The following ZSWIM5 variants were observed in gnomAD, a reference collection of about 807,000 sequenced individuals.
ZSWIM5 encodes zinc finger SWIM-type containing 5, also known as zinc finger SWIM domain-containing protein 5.
In ZSWIM5, 55 loss-of-function variants were observed where a neutral mutation model predicts 119.6. The observed-to-expected ratio is 0.46, with a 90% confidence interval of 0.37 to 0.58. ZSWIM5 has a LOEUF of 0.58. ZSWIM5 is among the 20% of genes least tolerant of loss of function. ZSWIM5 has a pLI of 0.00. For missense variants in ZSWIM5, 1,193 were observed against 1,512.8 expected (o/e 0.79, Z 3.51); for synonymous variants, 537 against 606.9 (o/e 0.88, Z 1.69).
At chr1:45,162,039 T>A (rs1272043855) in intron 1 of ZSWIM5, among the ~76,000 whole-genome samples, 1 of 152,018 alleles carries the variant, frequency 6.6e-6, no homozygotes, top group African/African-American at 2.4e-5. Context: ...GTTCATTCTT[T>A]AATTTCACCA....
intron 1 of ZSWIM5, among the ~76,000 whole-genome samples, chr1:45,122,119 A>G (rs753598232): frequency 1.3e-5 from 2 of 152,210 alleles, no homozygotes; most frequent in Non-Finnish European, 2.9e-5. Flanking sequence ...TTTAAATAAT[A>G]TCAGTATATT....
intron 11 of ZSWIM5, among the ~76,000 whole-genome samples, chr1:45,030,098 C>A (rs1308630675): frequency 1.3e-5 from 2 of 152,104 alleles, no homozygotes; most frequent in South Asian, 2.1e-4. Context: ...GGGGGTGCCA[C>A]CTTGTCCCGC....
intron 10 of ZSWIM5, among the ~76,000 whole-genome samples, chr1:45,034,988 A>G (rs1007267944): frequency 1.3e-5 from 2 of 152,064 alleles, no homozygotes; most frequent in Non-Finnish European, 2.9e-5. Flanking sequence ...GGGTTTCACC[A>G]TGCTGCCCAG....
intron 2 of ZSWIM5, among the ~76,000 whole-genome samples, chr1:45,060,752 G>A (rs996058900): frequency 6.6e-6 from 1 of 152,158 alleles, no homozygotes; most frequent in African/African-American, 2.4e-5. Context: ...ATGGTTCATG[G>A]CAGCCTCGAC....
rs115894466 is a variant in ZSWIM5 at position 45,188,071 on chromosome 1, T to G, written c.595+17685A>C. ...CAAAATGTTATACATAGTTACTGCATGATCCAACAATTCTACTCTTAGATG... is the reference window on the plus strand; with the variant it reads ...CAAAATGTTATACATAGTTACTGCAGGATCCAACAATTCTACTCTTAGATG... On this transcript the variant is annotated intron_variant, in intron 1 of 13. Coordinates refer to ENST00000359600, the MANE Select transcript of ZSWIM5 (RefSeq NM_020883.2). 6.8e-3 allele frequency among the ~76,000 whole-genome samples: 1,033 copies of G among 152,342 alleles called. 8 individuals are homozygous for G. The highest frequency in any genetic ancestry group is 9.6e-3 in the Non-Finnish European group (656 of 68,018).
At chr1:45,103,825 C>G (rs1489851748) in intron 1 of ZSWIM5, among the ~76,000 whole-genome samples, 1 of 152,148 alleles carries the variant, frequency 6.6e-6, no homozygotes, top group Non-Finnish European at 1.5e-5. Flanking sequence ...CATTCAAAGC[C>G]TTTTGTTTTT....
intron 1 of ZSWIM5, among the ~76,000 whole-genome samples, chr1:45,149,335 G>C (rs564097177): frequency 6.6e-6 from 1 of 152,264 alleles, no homozygotes; most frequent in South Asian, 2.1e-4. Flanking sequence ...CCAATAGTAA[G>C]TACTAACTGA....
chr1:45,158,221 G>A (rs947297850), intron 1 of ZSWIM5, among the ~76,000 whole-genome samples: 2 of 152,104 alleles, frequency 1.3e-5, no homozygotes, highest in African/African-American at 4.8e-5. Context: ...CTGGAGTGCT[G>A]TGGCATGATC....
At chr1:45,086,089 G>A (rs1645328569) in intron 2 of ZSWIM5, among the ~76,000 whole-genome samples, 1 of 152,208 alleles carries the variant, frequency 6.6e-6, no homozygotes, top group South Asian at 2.1e-4. Context: ...GAGGCCTCAG[G>A]AACATTACAA....
At chr1:45,154,719 C>T (rs1645817194) in intron 1 of ZSWIM5, among the ~76,000 whole-genome samples, 1 of 151,948 alleles carries the variant, frequency 6.6e-6, no homozygotes, top group Non-Finnish European at 1.5e-5. Flanking sequence ...CCCATTTCTA[C>T]TAAAAATTAA....
At chr1:45,116,450 T>C (rs926285912) in intron 1 of ZSWIM5, among the ~76,000 whole-genome samples, 1 of 152,202 alleles carries the variant, frequency 6.6e-6, no homozygotes, top group African/African-American at 2.4e-5. Context: ...TCCTCCTTAC[T>C]AGCAAATGCT....
intron 1 of ZSWIM5, among the ~76,000 whole-genome samples, chr1:45,172,462 T>C (rs181718031): frequency 6.6e-6 from 1 of 152,280 alleles, no homozygotes; most frequent in East Asian, 1.9e-4. Context: ...AATATTTTAC[T>C]ACGTAAAAAA....
chr1:45,195,086 A>T (rs1646114089), intron 1 of ZSWIM5, among the ~76,000 whole-genome samples: 2 of 152,096 alleles, frequency 1.3e-5, no homozygotes, highest in Admixed American at 1.3e-4. Flanking sequence ...ATTGTGGTAA[A>T]TGCCATTTTA....
At chr1:45,059,835 T>C (rs566113584) in intron 3 of ZSWIM5, among the ~76,000 whole-genome samples, 1 of 152,060 alleles carries the variant, frequency 6.6e-6, no homozygotes, top group Non-Finnish European at 1.5e-5. Flanking sequence ...AGAGGGAAGG[T>C]AGTTTCCTTG....
intron 11 of ZSWIM5, among the ~76,000 whole-genome samples, chr1:45,021,058 C>T (rs929981813): frequency 6.0e-5 from 9 of 150,946 alleles, no homozygotes; most frequent in East Asian, 3.9e-4. Context: ...TTTTTGGAGA[C>T]GGAGTCTTGC....
At chr1:45,176,129 A>G (rs963715851) in intron 1 of ZSWIM5, among the ~76,000 whole-genome samples, 2 of 148,880 alleles carry the variant, frequency 1.3e-5, no homozygotes, top group Non-Finnish European at 3.0e-5. Context: ...AGTTAACTGA[A>G]TGCCATATAT....
chr1:45,033,015 C>A (rs1222930868), intron 11 of ZSWIM5, among the ~76,000 whole-genome samples: 1 of 151,938 alleles, frequency 6.6e-6, no homozygotes, highest in Non-Finnish European at 1.5e-5. Context: ...GCTTGTGGTT[C>A]ATTGATTTCC....
Position 45,104,280 on chromosome 1 carries a change from C to T in ZSWIM5, c.596-16043G>A, listed in dbSNP as rs566573329. On this transcript the variant is annotated intron_variant, in intron 1 of 13. Transcript: ENST00000359600. ...AATAACTAATTTCCTTTCCAGAAAG[C>T]CTTTCTCAAAAGCTGGGTAACAACT... Among the ~76,000 whole-genome samples the T allele has an allele frequency of 3.9e-5, 6 of 152,242 alleles. No individual in the cohort carries two copies. In the South Asian group the frequency reaches 1.2e-3, roughly 32 times the overall value.
At chr1:45,111,492 A>G (rs1182770776) in intron 1 of ZSWIM5, among the ~76,000 whole-genome samples, 3 of 152,172 alleles carry the variant, frequency 2.0e-5, no homozygotes, top group Non-Finnish European at 4.4e-5. Context: ...GTGGATTAAA[A>G]TAACACAAAT....
Sources: gnomAD v4.1 joint callset for allele counts (sites outside exome capture counted in the v4.1 genomes callset) on GRCh38, gnomAD v4.1.1 for gene constraint, MANE v1.5 for transcripts, NCBI Gene and HGNC (gene_info 2026-07-23, HGNC 2026-07-21) for gene names.